The following FHIT variants were observed in gnomAD, a reference collection of about 807,000 sequenced individuals.
The protein encoded by FHIT is bis(5'-adenosyl)-triphosphatase.
A neutral mutation model predicts 17.9 loss-of-function variants in FHIT; 19 were observed. The ratio of observed to expected loss-of-function variants is 1.06; its 90% CI spans 0.74 to 1.56. The LOEUF is 1.56. Among genes scored for constraint, FHIT ranks in the 40% most tolerant of loss-of-function variants. FHIT has a pLI of 0.00. For missense variants in FHIT, 248 were observed against 189.2 expected, an observed-to-expected ratio of 1.31 and a Z score of -1.82; for synonymous variants, 81 against 69.7, an observed-to-expected ratio of 1.16 and a Z score of -0.81.
At chr3:60,084,366 C>T (rs535575389) in intron 5 of FHIT, among the ~76,000 whole-genome samples, 3 of 152,108 alleles carry the variant, frequency 2.0e-5, no homozygotes, top group Non-Finnish European at 4.4e-5. Context: ...CCAACCTAAG[C>T]TTTACAGAGG....
At chr3:60,725,926 C>G (rs7643144) in intron 4 of FHIT, among the ~76,000 whole-genome samples, 2 of 151,758 alleles carry the variant, frequency 1.3e-5, no homozygotes. Context: ...TATTAAGGCT[C>G]ACTGATGTAA....
At chr3:60,034,151 G>A (rs1285946439) in intron 5 of FHIT, among the ~76,000 whole-genome samples, 2 of 152,180 alleles carry the variant, frequency 1.3e-5, no homozygotes, top group Non-Finnish European at 2.9e-5. Context: ...GTCCCTGCTG[G>A]AGCAGAGATT....
At chr3:60,123,991 T>TAGAGAGAGAGAGAGAGAGAGAGAG (rs1705390647) in intron 5 of FHIT, among the ~76,000 whole-genome samples, 1 of 48,702 alleles carries the variant, frequency 2.1e-5, no homozygotes, top group Non-Finnish European at 4.0e-5. Flanking sequence ...TATATATATA[T>TAGAGAGAGAGAGAGAGAGAGAGAG]ATATATATAT....
At chr3:60,629,360 C>T (rs1408641105) in intron 4 of FHIT, among the ~76,000 whole-genome samples, 2 of 152,150 alleles carry the variant, frequency 1.3e-5, no homozygotes, top group African/African-American at 4.8e-5. Context: ...CACATAAGTG[C>T]TTTTGATTTG....
chr3:60,002,293 T>C (rs1364086361), intron 7 of FHIT, among the ~76,000 whole-genome samples: 2 of 152,120 alleles, frequency 1.3e-5, no homozygotes, highest in Non-Finnish European at 2.9e-5. Flanking sequence ...TGTGTGTTTT[T>C]TTGTTTGTTG....
chr3:60,233,526 TCTC>T (rs923354279), intron 5 of FHIT, among the ~76,000 whole-genome samples: 1 of 152,034 alleles, frequency 6.6e-6, no homozygotes, highest in Non-Finnish European at 1.5e-5. Context: ...CCCTCCCCGC[TCTC>T]CTCCTGCCCA....
chr3:60,308,466 G>C (rs1239113631), intron 5 of FHIT, among the ~76,000 whole-genome samples: 5 of 144,702 alleles, frequency 3.5e-5, no homozygotes, highest in African/African-American at 1.3e-4. Flanking sequence ...CTACCAAATT[G>C]CACGTATAGG....
At chr3:61,080,015 CTT>C (rs377019821) in intron 2 of FHIT, among the ~76,000 whole-genome samples, 142 of 152,114 alleles carry the variant, frequency 9.3e-4, no homozygotes, top group Middle Eastern at 3.4e-3. Context: ...TCATCAAACT[CTT>C]AAAGTATTTC....
At chr3:60,598,845 CTG>C (rs1340763517) in intron 4 of FHIT, among the ~76,000 whole-genome samples, 4 of 152,204 alleles carry the variant, frequency 2.6e-5, no homozygotes, top group South Asian at 4.1e-4. Flanking sequence ...TCAGACATGA[CTG>C]TGTTTGCTTT....
chr3:61,098,855 G>C (rs957967494), intron 2 of FHIT, among the ~76,000 whole-genome samples: 2 of 152,190 alleles, frequency 1.3e-5, no homozygotes, highest in Non-Finnish European at 2.9e-5. Context: ...TTTAGGCTGA[G>C]ACGATGGGGT....
At chr3:60,356,783 GAAGA>G (rs63016661) in intron 5 of FHIT, among the ~76,000 whole-genome samples, 4,844 of 100,968 alleles carry the variant, frequency 0.048, 782 homozygotes, top group African/African-American at 0.21. Flanking sequence ...AAAAAAAACG[GAAGA>G]AAGAGTAAAT....
At chr3:60,284,637 G>C (rs2107654291) in intron 5 of FHIT, among the ~76,000 whole-genome samples, 1 of 152,146 alleles carries the variant, frequency 6.6e-6, no homozygotes, top group South Asian at 2.1e-4. Context: ...TTGTTTCTGA[G>C]TAATCTGAAG....
At position 61,061,308 on chromosome 3, in the gene FHIT, C is replaced by A. The variant is rs530939922; in HGVS notation, c.-163-19209G>T. ...TATATGTTTAGTTCAAGGCTGTGGACTTTGTGCCTTGGTTACAGGTAAGTG... is the reference window on the plus strand; with the variant it reads ...TATATGTTTAGTTCAAGGCTGTGGAATTTGTGCCTTGGTTACAGGTAAGTG... On this transcript the variant is annotated intron_variant, in intron 2 of 9. Transcript: ENST00000492590. Among the ~76,000 whole-genome samples the A allele has an allele frequency of 6.6e-5, 10 of 152,192 alleles. No individual in the cohort carries two copies. The East Asian group carries it at 1.9e-3, about 29-fold the overall frequency.
chr3:60,253,024 AAAAT>A (rs1308447742), intron 5 of FHIT, among the ~76,000 whole-genome samples: 1 of 152,066 alleles, frequency 6.6e-6, no homozygotes, highest in Non-Finnish European at 1.5e-5. Context: ...TAAATAATAA[AAAAT>A]AAAAACAAAT....
chr3:60,317,879 C>T lies in FHIT; in HGVS notation c.103+218981G>A, dbSNP rs567284523. Among the ~76,000 whole-genome samples the T allele has an allele frequency of 2.6e-5, 4 of 151,598 alleles. No homozygotes were observed. In the East Asian group the frequency reaches 7.8e-4, roughly 30 times the overall value. ...AGTCTTTGCTCACTGCAACCTCCAC[C>T]TCCTAGGTTCAAGTAATTCTCCTGC... On this transcript the variant is annotated intron_variant, in intron 5 of 9. Coordinates refer to ENST00000492590, the MANE Select transcript of FHIT (RefSeq NM_002012.4).
intron 2 of FHIT, among the ~76,000 whole-genome samples, chr3:61,087,000 A>T (rs765343981): frequency 2.0e-5 from 3 of 152,000 alleles, no homozygotes; most frequent in Non-Finnish European, 2.9e-5. Context: ...CATTGGGTTA[A>T]TTCCCAAATC....
intron 5 of FHIT, among the ~76,000 whole-genome samples, chr3:60,038,590 G>A (rs1291195933): frequency 6.6e-6 from 1 of 152,102 alleles, no homozygotes; most frequent in Admixed American, 6.6e-5. Flanking sequence ...CTTCATTAAG[G>A]TACAAAACAT....
intron 4 of FHIT, among the ~76,000 whole-genome samples, chr3:60,774,490 G>A (rs1553723985): frequency 6.6e-6 from 1 of 151,918 alleles, no homozygotes; most frequent in Non-Finnish European, 1.5e-5. Flanking sequence ...TAGTAGAGAT[G>A]GGGTTTCACC....
intron 5 of FHIT, among the ~76,000 whole-genome samples, chr3:60,393,407 A>G (rs571819868): frequency 6.7e-6 from 1 of 149,626 alleles, no homozygotes; most frequent in East Asian, 1.9e-4. Flanking sequence ...TTATAATGTT[A>G]CATATATAAT....
Sources: gnomAD v4.1 joint callset for allele counts (sites outside exome capture counted in the v4.1 genomes callset) on GRCh38, gnomAD v4.1.1 for gene constraint, MANE v1.5 for transcripts, NCBI Gene and HGNC (gene_info 2026-07-23, HGNC 2026-07-21) for gene names.